The following TCF4 variants were observed in gnomAD, a reference collection of about 807,000 sequenced individuals.
TCF4 encodes SL3-3 enhancer factor 2.
TCF4 carries 3 observed loss-of-function variants against 82.1 expected under a neutral mutation model. The ratio of observed to expected loss-of-function variants is 0.04; its 90% CI spans 0.02 to 0.09. The LOEUF is 0.09. Among genes scored for constraint, TCF4 ranks in the 10% least tolerant of loss-of-function variants. The pLI is 1.00. For synonymous variants in TCF4, 276 were observed against 309.6 expected (o/e 0.89, Z 1.14); for missense variants, 518 against 852.7 (o/e 0.61, Z 4.89).
intron 8 of TCF4, among the ~76,000 whole-genome samples, chr18:55,293,815 G>C (rs1360839614): frequency 6.6e-6 from 1 of 151,110 alleles, no homozygotes; most frequent in Non-Finnish European, 1.5e-5. Context: ...TTTCCAGTAA[G>C]TCCAAACAGG....
chr18:55,502,049 T>A (rs1450408112), intron 3 of TCF4, among the ~76,000 whole-genome samples: 3 of 152,254 alleles, frequency 2.0e-5, no homozygotes, highest in Admixed American at 6.5e-5. Context: ...AATTCTCATA[T>A]GAATTTGCAA....
intron 15 of TCF4, among the ~76,000 whole-genome samples, chr18:55,248,227 T>C (rs1050558431): frequency 1.3e-5 from 2 of 152,172 alleles, no homozygotes; most frequent in Admixed American, 1.3e-4. Context: ...TTGTGGAGAT[T>C]AGGAGAGATG....
chr18:55,325,630 T>G (rs1165645242), intron 8 of TCF4, among the ~76,000 whole-genome samples: 1 of 152,166 alleles, frequency 6.6e-6, no homozygotes, highest in Non-Finnish European at 1.5e-5. Flanking sequence ...GAATATAACT[T>G]GGTAGAATTT....
chr18:55,296,155 A>G (rs533735297), intron 8 of TCF4, among the ~76,000 whole-genome samples: 1 of 152,238 alleles, frequency 6.6e-6, no homozygotes, highest in Admixed American at 6.5e-5. Flanking sequence ...GAAATAGGAA[A>G]GATGAAATCT....
chr18:55,476,468 GT>G (rs2096290929), intron 3 of TCF4, among the ~76,000 whole-genome samples: 1 of 151,546 alleles, frequency 6.6e-6, no homozygotes, highest in South Asian at 2.1e-4. Context: ...TTTGTTTTTT[GT>G]TTTTTGTTTT....
intron 2 of TCF4, among the ~76,000 whole-genome samples, chr18:55,600,410 C>T (rs2097695602): frequency 6.6e-6 from 1 of 152,172 alleles, no homozygotes; most frequent in Non-Finnish European, 1.5e-5. Context: ...ATTGCTGCTG[C>T]CTCCTCAATT....
chr18:55,281,286 A>G (rs2062556916), intron 8 of TCF4, among the ~76,000 whole-genome samples: 1 of 152,204 alleles, frequency 6.6e-6, no homozygotes, highest in Non-Finnish European at 1.5e-5. Context: ...AATTTTCTTG[A>G]GAACTATTAA....
At chr18:55,248,263 C>A (rs2053924122) in intron 15 of TCF4, among the ~76,000 whole-genome samples, 1 of 152,142 alleles carries the variant, frequency 6.6e-6, no homozygotes, top group South Asian at 2.1e-4. Context: ...AGGCAAATAT[C>A]CTAATTTAAA....
chr18:55,430,500 C>T (rs1229141581), intron 5 of TCF4, among the ~76,000 whole-genome samples: 1 of 152,196 alleles, frequency 6.6e-6, no homozygotes, highest in African/African-American at 2.4e-5. Flanking sequence ...ACCTCCAAAG[C>T]AGATGCCCTA....
chr18:55,450,876 C>T (rs542880807), intron 5 of TCF4, among the ~76,000 whole-genome samples: 118 of 152,306 alleles, frequency 7.7e-4, no homozygotes, highest in Non-Finnish European at 1.4e-3. Flanking sequence ...TCTCCCTAGT[C>T]TCACCACTCA....
intron 3 of TCF4, among the ~76,000 whole-genome samples, chr18:55,520,643 G>A (rs1310034751): frequency 7.2e-5 from 11 of 152,126 alleles, no homozygotes; most frequent in Admixed American, 2.6e-4. Context: ...ATTTATAAAT[G>A]AAGATGCAAC....
chr18:55,486,008 C>T (rs1025943470), intron 3 of TCF4, among the ~76,000 whole-genome samples: 1 of 152,180 alleles, frequency 6.6e-6, no homozygotes, highest in Non-Finnish European at 1.5e-5. Flanking sequence ...GTGGGCTCTC[C>T]TGGAGCCTCA....
At chr18:55,262,812 T>C (rs1279511885) in intron 11 of TCF4, among the ~76,000 whole-genome samples, 2 of 152,206 alleles carry the variant, frequency 1.3e-5, no homozygotes, top group Non-Finnish European at 2.9e-5. Context: ...AGATGAGTTT[T>C]CTTTTTTGTT....
At chr18:55,415,679 G>A (rs1569433258) in intron 5 of TCF4, among the ~76,000 whole-genome samples, 1 of 152,134 alleles carries the variant, frequency 6.6e-6, no homozygotes, top group South Asian at 2.1e-4. Context: ...TTTCTTAGCT[G>A]CTCGATGGAA....
chr18:55,473,779 A>C (rs1256173746), intron 3 of TCF4, among the ~76,000 whole-genome samples: 3 of 152,226 alleles, frequency 2.0e-5, no homozygotes, highest in Admixed American at 2.0e-4. Context: ...TTTCATAGTA[A>C]TCAAATCAAA....
intron 5 of TCF4, among the ~76,000 whole-genome samples, chr18:55,433,107 A>T (rs138492241): frequency 6.6e-6 from 1 of 152,292 alleles, no homozygotes; most frequent in East Asian, 1.9e-4. Flanking sequence ...AATACTTCTA[A>T]CCTGTCACAT....
At chr18:55,563,434 T>G (rs1213954449) in intron 3 of TCF4, among the ~76,000 whole-genome samples, 1 of 152,128 alleles carries the variant, frequency 6.6e-6, no homozygotes, top group East Asian at 1.9e-4. Context: ...AATGAAAGCT[T>G]GATCCAAAAT....
At chr18:55,472,557 G>C (rs767201904) in intron 3 of TCF4, among the ~76,000 whole-genome samples, 14 of 152,048 alleles carry the variant, frequency 9.2e-5, no homozygotes, top group Non-Finnish European at 1.9e-4. Context: ...CTACAAATAA[G>C]AGCCATGAAT....
chr18:55,586,126 G>A lies in TCF4; in HGVS notation c.73-774C>T, dbSNP rs2097642930. ...AAAAGAAGGTCTAGAAGAGGAGGAG[G>A]AGGAGGAGAAGGAGGAGGAGGAGGA... On this transcript the variant is annotated intron_variant, in intron 2 of 19. Coordinates refer to ENST00000354452, the MANE Select transcript of TCF4 (RefSeq NM_001083962.2). 7 of 1,421,756 alleles carry A rather than the reference G, an allele frequency of 4.9e-6. 1 individual carries two copies. The highest frequency in any genetic ancestry group is 6.5e-6 in the Non-Finnish European group (7 of 1,069,266). 88.1% of individuals were successfully genotyped at this position (1,421,756 alleles called of 1,614,324 possible).
Sources: allele counts gnomAD v4.1 joint callset (sites outside exome capture counted in the v4.1 genomes callset), GRCh38; gene constraint gnomAD v4.1.1; transcripts MANE v1.5; gene names NCBI Gene and HGNC (gene_info 2026-07-23, HGNC 2026-07-21).